CCDC3: variants seen among roughly 807,000 people sequenced by gnomAD.
CCDC3 encodes coiled-coil domain-containing protein 3.
CCDC3 carries 24 observed loss-of-function variants against 21.4 expected under a neutral mutation model. The observed-to-expected ratio is 1.12, with a 90% CI of 0.81 to 1.58. CCDC3 has a LOEUF of 1.58. Ranked by LOEUF, CCDC3 falls within the 40% of genes most tolerant of loss-of-function variation. The probability of loss-of-function intolerance (pLI) is 0.00; values close to 1 mark genes in which losing one functional copy is unlikely to be tolerated. For synonymous variants in CCDC3, 186 were observed against 166.0 expected (o/e 1.12, Z -0.93); for missense variants, 425 against 360.9 (o/e 1.18, Z -1.44).
chr10:13,084,818 T>A (rs1837083255), intron 3 of CCDC3, among the ~76,000 whole-genome samples: 1 of 152,024 alleles, frequency 6.6e-6, no homozygotes. Flanking sequence ...GGAGTGAGAT[T>A]GTCTAGGGAG....
intron 2 of CCDC3, chr10:13,098,709 G>GTTTTTTTTT (rs1564348313): frequency 1.7e-4 from 10 of 59,500 alleles, no homozygotes; most frequent in African/African-American, 2.1e-4. Context: ...TTCCTGCACT[G>GTTTTTTTTT]ATTTTTTTTT....
At chr10:13,034,786 C>A (rs752229024) in intron 5 of CCDC3, among the ~76,000 whole-genome samples, 1 of 151,940 alleles carries the variant, frequency 6.6e-6, no homozygotes, top group Non-Finnish European at 1.5e-5. Context: ...GCACTTTGGG[C>A]GGCCAAAGTG....
chr10:12,981,923 G>C (rs909331282), intron 2 of CCDC3, among the ~76,000 whole-genome samples: 2 of 151,764 alleles, frequency 1.3e-5, no homozygotes, highest in East Asian at 1.9e-4. Flanking sequence ...GAGAAATCAA[G>C]ACCATCCTGG....
At chr10:12,985,103 AGATT>A (rs1446524300) in intron 2 of CCDC3, among the ~76,000 whole-genome samples, 2 of 152,232 alleles carry the variant, frequency 1.3e-5, no homozygotes, top group Non-Finnish European at 2.9e-5. Flanking sequence ...TTAAAGCTAT[AGATT>A]TTTTTTAAAT....
At position 13,001,366 on chromosome 10, in the gene CCDC3, C is replaced by T. The variant is rs750437773; in HGVS notation, c.205G>A (p.Gly69Ser). 2 of 1,594,608 alleles carry T rather than the reference C, an allele frequency of 1.3e-6. No individual in the cohort carries two copies. Among genetic ancestry groups the T allele is most frequent in the Non-Finnish European group, 1.7e-6 (2 of 1,171,866 alleles). The change falls in exon 1 of 3, where the codon GGC becomes AGC. Residue 69 changes from glycine to serine, a missense_variant. Transcript: ENST00000378825. ...GCCGAGTAGAAGAGGCCCCCCTGGC[C>T]GGCGTGGTACTGCCAGGGCAGGTGG... Reference protein sequence around the residue: ...YNHLPWQYHAGQGGLFYSAEV... With the variant: ...YNHLPWQYHASQGGLFYSAEV...
intron 4 of CCDC3, among the ~76,000 whole-genome samples, chr10:13,062,871 T>C (rs1836774364): frequency 6.6e-6 from 1 of 152,080 alleles, no homozygotes; most frequent in Non-Finnish European, 1.5e-5. Flanking sequence ...ACTTGATGGA[T>C]CATCTGACAC....
intron 2 of CCDC3, among the ~76,000 whole-genome samples, chr10:12,948,659 G>A (rs551333283): frequency 6.6e-6 from 1 of 150,538 alleles, no homozygotes; most frequent in South Asian, 2.1e-4. Context: ...TAAATTACTA[G>A]AAGCGCTAAA....
intron 3 of CCDC3, among the ~76,000 whole-genome samples, chr10:13,087,703 T>C (rs1453064351): frequency 2.0e-5 from 3 of 149,168 alleles, no homozygotes; most frequent in African/African-American, 7.5e-5. Context: ...ACTTAGAAGA[T>C]GATACTTAGA....
intron 2 of CCDC3, among the ~76,000 whole-genome samples, chr10:12,924,238 C>T (rs4237430): frequency 0.27 from 40,530 of 152,154 alleles, 5,675 homozygotes; most frequent in South Asian, 0.45. Flanking sequence ...CCACTGAGAC[C>T]TCTTGAGTTG....
At chr10:12,928,938 A>G (rs1350263560) in intron 2 of CCDC3, among the ~76,000 whole-genome samples, 1 of 152,134 alleles carries the variant, frequency 6.6e-6, no homozygotes, top group Non-Finnish European at 1.5e-5. Flanking sequence ...ACCTGGAGGT[A>G]AGGGTCTGGG....
At chr10:13,062,997 G>T (rs1005590741) in intron 4 of CCDC3, among the ~76,000 whole-genome samples, 5 of 150,920 alleles carry the variant, frequency 3.3e-5, no homozygotes, top group Admixed American at 3.3e-4. Flanking sequence ...AGCACCCTTG[G>T]CTCACTGGCT....
chr10:13,053,399 T>C (rs1029214768), intron 4 of CCDC3, among the ~76,000 whole-genome samples: 1 of 151,828 alleles, frequency 6.6e-6, no homozygotes, highest in African/African-American at 2.4e-5. Context: ...TGAGACCCCA[T>C]CTCCATGAAA....
intron 3 of CCDC3, among the ~76,000 whole-genome samples, chr10:13,082,457 G>A (rs534758851): frequency 3.3e-5 from 5 of 152,240 alleles, no homozygotes; most frequent in Non-Finnish European, 5.9e-5. Context: ...GACCAGGAGC[G>A]TGACCGCTGA....
chr10:12,944,935 AG>A (rs941955105), intron 2 of CCDC3, among the ~76,000 whole-genome samples: 2 of 152,228 alleles, frequency 1.3e-5, no homozygotes, highest in Non-Finnish European at 1.5e-5. Flanking sequence ...ATTCTTACCA[AG>A]GATGGAAGTT....
At chr10:12,989,517 G>A (rs1835648999) in intron 2 of CCDC3, among the ~76,000 whole-genome samples, 1 of 152,178 alleles carries the variant, frequency 6.6e-6, no homozygotes. Context: ...CACCTCCCGG[G>A]TTCAAGCGAC....
chr10:13,029,640 C>T (rs1836272330), intron 5 of CCDC3, among the ~76,000 whole-genome samples: 1 of 152,128 alleles, frequency 6.6e-6, no homozygotes, highest in African/African-American at 2.4e-5. Flanking sequence ...ATAGAGAAGA[C>T]CCTAAATGAC....
At chr10:13,055,337 T>TC (rs1294810575) in intron 4 of CCDC3, among the ~76,000 whole-genome samples, 2 of 125,152 alleles carry the variant, frequency 1.6e-5, no homozygotes, top group African/African-American at 9.1e-5. Context: ...AATCCACTTC[T>TC]TTTTTTTTTT....
rs560312988 is a variant in CCDC3, at chr10:12,931,854, C to CA, written c.550-33176dup. On this transcript the variant is annotated intron_variant, in intron 2 of 2. Transcript: ENST00000378825. ...GCAGGGGCTCTGAATCTGGGGTCTC[C>CA]ACTACCCAAAGGACCTGTAAGTAAA... 3.6e-4 allele frequency among the ~76,000 whole-genome samples: 55 copies of CA among 152,312 alleles called. 1 individual carries two copies. The South Asian group carries it at 0.011, about 31-fold the overall frequency.
intron 5 of CCDC3, among the ~76,000 whole-genome samples, chr10:13,037,560 G>A (rs927406380): frequency 6.6e-6 from 1 of 151,802 alleles, no homozygotes; most frequent in Admixed American, 6.6e-5. Context: ...TTCTTTCCAC[G>A]CCACTGGGTA....
Sources: allele counts gnomAD v4.1 joint callset (sites outside exome capture counted in the v4.1 genomes callset), GRCh38; gene constraint gnomAD v4.1.1; transcripts MANE v1.5; gene names NCBI Gene and HGNC (gene_info 2026-07-23, HGNC 2026-07-21).